Variants in MYCT1 observed in about 807,000 individuals in gnomAD.
The protein encoded by MYCT1 is myc target protein 1.
In MYCT1, 12 loss-of-function variants were observed where a neutral mutation model predicts 15.0. The observed-to-expected ratio is 0.80, with a 90% CI of 0.51 to 1.29. MYCT1 has a LOEUF of 1.29. Among genes scored for constraint, MYCT1 ranks in the 50% most tolerant of loss-of-function variants. MYCT1 has a pLI of 0.00. For synonymous variants in MYCT1, 104 were observed against 102.7 expected, an observed-to-expected ratio of 1.01 and a Z score of -0.07; for missense variants, 287 against 279.1, an observed-to-expected ratio of 1.03 and a Z score of -0.20.
At chr6:152,728,154 C>T (rs2099725977), downstream of MYCT1, among the ~76,000 whole-genome samples, 1 of 144,268 alleles carries the variant, frequency 6.9e-6, no homozygotes, top group Non-Finnish European at 1.5e-5. Flanking sequence ...ACAGAGTGAG[C>T]CTCTGTCTGG....
At chr6:152,700,045 A>G (rs1409157741) in intron 1 of MYCT1, among the ~76,000 whole-genome samples, 2 of 152,152 alleles carry the variant, frequency 1.3e-5, no homozygotes, top group Non-Finnish European at 2.9e-5. Context: ...ATAATGTTTG[A>G]TGATTTTAGG....
At chr6:152,730,032 C>T in the MYCT1 span, among the ~76,000 whole-genome samples, 3 of 152,322 alleles carry the variant, frequency 2.0e-5, no homozygotes, top group South Asian at 4.1e-4. Context: ...GTGCCAATCA[C>T]ATTGAAATTC....
the MYCT1 span, among the ~76,000 whole-genome samples, chr6:152,741,775 T>C: frequency 8.5e-5 from 13 of 152,164 alleles, no homozygotes; most frequent in Non-Finnish European, 1.6e-4. Flanking sequence ...TCAAGCATTA[T>C]TCAGATGACT....
rs767809324 is a variant in MYCT1, at chr6:152,722,134, A to G, written c.589A>G (p.Ser197Gly). Residue 197 changes from serine to glycine, a missense_variant, in exon 2 of 2, where the codon AGC becomes GGC. Transcript: ENST00000367245. ...TTCTTCCAATATCTCTCCCACCATCAGCACTTCCCACAGTCTGAGCCGTCC... is the reference window on the plus strand; with the variant it reads ...TTCTTCCAATATCTCTCCCACCATCGGCACTTCCCACAGTCTGAGCCGTCC... ...LPSSNISPTISTSHSLSRPDY... is the reference protein window; with the variant it reads ...LPSSNISPTIGTSHSLSRPDY... The G allele has an allele frequency of 6.2e-7, 1 of 1,613,960 alleles. No individual in the cohort carries two copies. Among genetic ancestry groups the G allele is most frequent in the Non-Finnish European group, 8.5e-7 (1 of 1,180,016 alleles).
Position 152,722,210 on chromosome 6 carries a change from C to T in MYCT1, c.665C>T (p.Pro222Leu). The change falls in exon 2 of 2, where the codon CCA becomes CTA. Residue 222 changes from proline to leucine, a missense_variant. Physicochemically the swap from Pro to Leu is moderately conservative, Grantham distance 98. Coordinates refer to ENST00000367245, the MANE Select transcript of MYCT1 (RefSeq NM_025107.3). ...SLRVGLSTPP[P>L]PAYESIIKAF... is the part of the protein sequence containing the mutation. The stretch of plus-strand genomic sequence containing the variant: ...CGAGTGGGCCTTTCAACACCGCCCC[C>T]ACCTGCCTATGAGTCCATCATCAAG... 1.9e-6 allele frequency: 3 copies of T among 1,614,112 alleles called. No homozygotes were observed.
In MYCT1 at chr6:152,723,204, T is replaced by C. The variant is rs1374307026; in HGVS notation, c.*951T>C. ...TTTTTCTGGACAAACTCTTTATGTGTTTTTCCCAAGAATAGTTATCTACTT... is the reference window on the plus strand; with the variant it reads ...TTTTTCTGGACAAACTCTTTATGTGCTTTTCCCAAGAATAGTTATCTACTT... On this transcript the variant is annotated 3_prime_UTR_variant, in exon 2 of 2. Transcript: ENST00000367245. The C allele has an allele frequency of 6.6e-6, 1 of 152,184 alleles. No homozygotes were observed. The highest frequency in any genetic ancestry group is 2.4e-5 in the African/African-American group (1 of 41,450). 9.4% of individuals were successfully genotyped at this position (152,184 alleles called of 1,614,324 possible). A position where few individuals can be genotyped will look rare whatever the true frequency, so the allele number is the denominator to read the frequency against.
chr6:152,700,565 G>T (rs1293965914), intron 1 of MYCT1, among the ~76,000 whole-genome samples: 1 of 152,132 alleles, frequency 6.6e-6, no homozygotes, highest in Admixed American at 6.6e-5. Flanking sequence ...AAGTGCAAGG[G>T]TTGGCAACAA....
chr6:152,736,742 T>C, the MYCT1 span, among the ~76,000 whole-genome samples: 2 of 152,018 alleles, frequency 1.3e-5, no homozygotes, highest in African/African-American at 4.8e-5. Context: ...GTTTTGAGAG[T>C]GTGCTCCATG....
chr6:152,726,860 G>C (rs145601186), downstream of MYCT1, among the ~76,000 whole-genome samples: 267 of 152,280 alleles, frequency 1.8e-3, 2 homozygotes, highest in African/African-American at 6.1e-3. Flanking sequence ...GTACTGCCAT[G>C]CTGATCTGGG....
At chr6:152,714,218 T>C (rs1243164332) in intron 1 of MYCT1, among the ~76,000 whole-genome samples, 1 of 151,658 alleles carries the variant, frequency 6.6e-6, no homozygotes, top group African/African-American at 2.4e-5. Flanking sequence ...CCTCTTTCCA[T>C]CCTTGTCGTT....
chr6:152,699,297 A>C (rs930636871), intron 1 of MYCT1, among the ~76,000 whole-genome samples: 1 of 151,956 alleles, frequency 6.6e-6, no homozygotes, highest in African/African-American at 2.4e-5. Context: ...AAAAGATATT[A>C]AAATTCAGCA....
chr6:152,702,048 T>A (rs1427588595), intron 1 of MYCT1, among the ~76,000 whole-genome samples: 1 of 151,970 alleles, frequency 6.6e-6, no homozygotes, highest in Non-Finnish European at 1.5e-5. Flanking sequence ...AAGCTGGAAA[T>A]AAGTACCAGT....
At chr6:152,728,438 G>A (rs1405065148), downstream of MYCT1, among the ~76,000 whole-genome samples, 1 of 152,056 alleles carries the variant, frequency 6.6e-6, no homozygotes, top group African/African-American at 2.4e-5. Flanking sequence ...TGCATGACAA[G>A]GAGTTAATCC....
At chr6:152,718,447 G>T (rs1039077325) in intron 1 of MYCT1, among the ~76,000 whole-genome samples, 1 of 151,768 alleles carries the variant, frequency 6.6e-6, no homozygotes, top group Non-Finnish European at 1.5e-5. Context: ...GTAGAGACAG[G>T]TCCCATTATG....
chr6:152,699,811 T>C (rs1447817909), intron 1 of MYCT1, among the ~76,000 whole-genome samples: 2 of 152,124 alleles, frequency 1.3e-5, no homozygotes, highest in Non-Finnish European at 2.9e-5. Flanking sequence ...TAAGAGAATG[T>C]TTAGTTGGAG....
At chr6:152,733,005 G>T in the MYCT1 span, among the ~76,000 whole-genome samples, 2 of 152,320 alleles carry the variant, frequency 1.3e-5, no homozygotes, top group African/African-American at 4.8e-5. Context: ...ATATGTCAGA[G>T]CTTTTCCCTA....
chr6:152,698,711 C>T (rs934489566), intron 1 of MYCT1, among the ~76,000 whole-genome samples: 1 of 151,988 alleles, frequency 6.6e-6, no homozygotes, highest in African/African-American at 2.4e-5. Flanking sequence ...TTTGAGAAAA[C>T]TATAGTAGAA....
chr6:152,713,856 C>T (rs904773235), intron 1 of MYCT1, among the ~76,000 whole-genome samples: 2 of 152,072 alleles, frequency 1.3e-5, no homozygotes, highest in Admixed American at 6.6e-5. Flanking sequence ...TGTAGCTTTA[C>T]CTGTCCCAGA....
At chr6:152,714,891 G>C (rs756269187) in intron 1 of MYCT1, among the ~76,000 whole-genome samples, 2 of 151,818 alleles carry the variant, frequency 1.3e-5, no homozygotes, top group Non-Finnish European at 2.9e-5. Context: ...GCAGTTAGGG[G>C]AAGATCACCT....
Sources: gnomAD v4.1 joint callset for allele counts (sites outside exome capture counted in the v4.1 genomes callset) on GRCh38, gnomAD v4.1.1 for gene constraint, MANE v1.5 for transcripts, NCBI Gene and HGNC (gene_info 2026-07-23, HGNC 2026-07-21) for gene names.